STXBP5L: variants seen among roughly 807,000 people sequenced by gnomAD.
The protein encoded by STXBP5L is syntaxin-binding protein 5-like.
In STXBP5L, 65 loss-of-function variants were observed where a neutral mutation model predicts 144.5. The ratio of observed to expected loss-of-function variants is 0.45; its 90% CI spans 0.37 to 0.55. The LOEUF (loss-of-function observed/expected upper bound fraction) is 0.55. Among genes scored for constraint, STXBP5L ranks in the 20% least tolerant of loss-of-function variants. The pLI is 0.00. For synonymous variants in STXBP5L, 505 were observed against 469.6 expected, an observed-to-expected ratio of 1.08 and a Z score of -0.97; for missense variants, 1,298 against 1,405.5, an observed-to-expected ratio of 0.92 and a Z score of 1.22.
intron 10 of STXBP5L, among the ~76,000 whole-genome samples, chr3:121,214,835 G>A (rs1223398355): frequency 1.3e-5 from 2 of 152,076 alleles, no homozygotes; most frequent in African/African-American, 4.8e-5. Context: ...TTGTGTGGGA[G>A]TCTAAGTTTT....
At chr3:121,237,044 C>T (rs1355852697) in intron 12 of STXBP5L, among the ~76,000 whole-genome samples, 1 of 152,226 alleles carries the variant, frequency 6.6e-6, no homozygotes, top group African/African-American at 2.4e-5. Flanking sequence ...CCTTGGCAGT[C>T]CTGTCCCCAT....
chr3:121,152,412 C>CTTTA, intron 7 of STXBP5L, 65 bp from the exon 8 acceptor site: 2 of 1,214,768 alleles, frequency 1.6e-6, no homozygotes, highest in Non-Finnish European at 2.4e-6. Context: ...TAACATTAAA[C>CTTTA]TTTATTTGAA....
In STXBP5L at chr3:121,121,834, T is replaced by A. The variant is rs1048128845; in HGVS notation, c.669+130T>A. On this transcript the variant is annotated intron_variant, in intron 7 of 26. Coordinates refer to ENST00000471454, the MANE Select transcript of STXBP5L (RefSeq NM_001308330.2). ...TTTTATATTATGTAAAATGAAAATG[T>A]GTTGAATCAACGAATGAGTAAATGA... 9 of 529,440 alleles carry A rather than the reference T, an allele frequency of 1.7e-5. No individual in the cohort carries two copies. In the Admixed American group the frequency reaches 2.9e-4, roughly 17 times the overall value. 32.8% of individuals were successfully genotyped at this position (529,440 alleles called of 1,614,324 possible).
At chr3:121,172,497 A>C (rs1310776137) in intron 9 of STXBP5L, among the ~76,000 whole-genome samples, 1 of 152,200 alleles carries the variant, frequency 6.6e-6, no homozygotes, top group Admixed American at 6.5e-5. Flanking sequence ...AGTAAAAAAC[A>C]ACCCCATCAA....
At position 121,037,537 on chromosome 3, in the gene STXBP5L, ATGT is replaced by A. The variant is rs1946848170; in HGVS notation, c.288-4156_288-4154del. Among the ~76,000 whole-genome samples the A allele has an allele frequency of 3.3e-5, 5 of 152,122 alleles. No individual in the cohort carries two copies. In the South Asian group the frequency reaches 1.0e-3, roughly 32 times the overall value. On this transcript the variant is annotated intron_variant, in intron 3 of 26. Transcript: ENST00000471454. ...TTATGAAGCACTATAGTCTTTTTAT[ATGT>A]TGTTGTATTAAATTTGCCAACATTT...
chr3:121,331,670 G>C (rs1391352450), intron 20 of STXBP5L, among the ~76,000 whole-genome samples: 1 of 152,128 alleles, frequency 6.6e-6, no homozygotes, highest in Non-Finnish European at 1.5e-5. Context: ...AGCTACCTTT[G>C]TCAAGGCCGT....
Position 120,973,951 on chromosome 3 carries a change from T to A in STXBP5L, c.287+18914T>A, listed in dbSNP as rs147202344. On this transcript the variant is annotated intron_variant, in intron 3 of 26. Transcript: ENST00000471454. ...TAATCCAGTCAATCATTGTTGGACATTTGGGTTGGTTCCAAGTCTTTGCTA... is the reference window on the plus strand; with the variant it reads ...TAATCCAGTCAATCATTGTTGGACAATTGGGTTGGTTCCAAGTCTTTGCTA... Among the ~76,000 whole-genome samples the A allele has an allele frequency of 3.7e-3, 569 of 152,332 alleles. 2 individuals carry two copies. The highest frequency in any genetic ancestry group is 3.5e-3 in the Non-Finnish European group (240 of 68,038).
chr3:120,986,164 G>A (rs1289341032), intron 3 of STXBP5L, among the ~76,000 whole-genome samples: 1 of 151,800 alleles, frequency 6.6e-6, no homozygotes, highest in Non-Finnish European at 1.5e-5. Context: ...TTGTTTAACA[G>A]TGTATTGTTT....
At chr3:121,166,720 A>C (rs1333400096) in intron 9 of STXBP5L, among the ~76,000 whole-genome samples, 2 of 152,184 alleles carry the variant, frequency 1.3e-5, no homozygotes, top group African/African-American at 4.8e-5. Context: ...GTCATTGCTC[A>C]ATATTAATAC....
At chr3:121,068,033 C>T (rs147100132) in intron 5 of STXBP5L, among the ~76,000 whole-genome samples, 658 of 152,270 alleles carry the variant, frequency 4.3e-3, no homozygotes, top group Non-Finnish European at 7.0e-3. Flanking sequence ...TTTTTTGAGA[C>T]GGAGTCTCAC....
At chr3:121,031,380 ATATTTC>A (rs1946358490) in intron 3 of STXBP5L, among the ~76,000 whole-genome samples, 1 of 142,376 alleles carries the variant, frequency 7.0e-6, no homozygotes, top group Admixed American at 7.3e-5. Flanking sequence ...GTATGTGTAT[ATATTTC>A]TATTTCTGTC....
intron 3 of STXBP5L, among the ~76,000 whole-genome samples, chr3:121,031,286 G>T (rs748573412): frequency 2.0e-5 from 3 of 151,868 alleles, no homozygotes; most frequent in Non-Finnish European, 4.4e-5. Context: ...ACAACAATAG[G>T]ATGTTTATGT....
chr3:121,237,212 G>A (rs1273299708), intron 12 of STXBP5L, among the ~76,000 whole-genome samples: 1 of 152,208 alleles, frequency 6.6e-6, no homozygotes, highest in Non-Finnish European at 1.5e-5. Context: ...TATCTAGGGG[G>A]CAGCTGCCAA....
At chr3:121,136,350 G>A (rs2045256269) in intron 7 of STXBP5L, among the ~76,000 whole-genome samples, 1 of 152,150 alleles carries the variant, frequency 6.6e-6, no homozygotes, top group South Asian at 2.1e-4. Context: ...CACAGGCAGA[G>A]CCTCTAGACC....
At chr3:121,189,841 TTAAAA>T (rs2047564954) in intron 9 of STXBP5L, among the ~76,000 whole-genome samples, 1 of 152,206 alleles carries the variant, frequency 6.6e-6, no homozygotes, top group Non-Finnish European at 1.5e-5. Context: ...AATGACCAAC[TTAAAA>T]TAAACAAATA....
chr3:121,169,475 A>C lies in STXBP5L; in HGVS notation c.877+11848A>C, dbSNP rs149341013. On this transcript the variant is annotated intron_variant, in intron 9 of 26. Coordinates refer to ENST00000471454, the MANE Select transcript of STXBP5L (RefSeq NM_001308330.2). Reference sequence around the variant, plus strand: ...AGGTGCTAAGATATACATAGGTTCAAAATAAAGGGATGGAGGAATATTTAC... The same window carrying C: ...AGGTGCTAAGATATACATAGGTTCACAATAAAGGGATGGAGGAATATTTAC... Among the ~76,000 whole-genome samples the C allele has an allele frequency of 9.2e-4, 140 of 152,372 alleles. 1 individual carries two copies. The highest frequency in any genetic ancestry group is 3.1e-3 in the African/African-American group (131 of 41,592).
Position 121,177,125 on chromosome 3 carries a change from T to TC in STXBP5L, c.877+19499dup, listed in dbSNP as rs1200267175. Reference sequence around the variant, plus strand: ...AAAAATATGGGTGGCATCAGAATTCTCACCCACAATGAAGCATCACAACAT... The same window carrying TC: ...AAAAATATGGGTGGCATCAGAATTCTCCACCCACAATGAAGCATCACAACAT... On this transcript the variant is annotated intron_variant, in intron 9 of 26. Transcript: ENST00000471454. Among the ~76,000 whole-genome samples, 4 of 152,092 alleles carry TC rather than the reference T, an allele frequency of 2.6e-5. No individual in the cohort carries two copies. In the East Asian group the frequency reaches 5.8e-4, roughly 22 times the overall value.
intron 5 of STXBP5L, among the ~76,000 whole-genome samples, chr3:121,081,035 C>T (rs1468295781): frequency 6.6e-6 from 1 of 151,960 alleles, no homozygotes; most frequent in Non-Finnish European, 1.5e-5. Context: ...TCTCATATTT[C>T]TTGGAGACTT....
chr3:121,285,205 A>G (rs2051190139), intron 19 of STXBP5L, among the ~76,000 whole-genome samples: 1 of 152,038 alleles, frequency 6.6e-6, no homozygotes, highest in Middle Eastern at 3.2e-3. Flanking sequence ...ATTATCCACT[A>G]GTGATTATAA....
Sources: gnomAD v4.1 joint callset for allele counts (sites outside exome capture counted in the v4.1 genomes callset) on GRCh38, gnomAD v4.1.1 for gene constraint, MANE v1.5 for transcripts, NCBI Gene and HGNC (gene_info 2026-07-23, HGNC 2026-07-21) for gene names.